Variants in CNOT8 observed in about 807,000 individuals in gnomAD.
CNOT8 encodes the protein CAF1-like protein.
CNOT8 carries 18 observed loss-of-function variants against 34.6 expected under a neutral mutation model. The observed-to-expected ratio is 0.52, with a 90% confidence interval of 0.36 to 0.77. The LOEUF (loss-of-function observed/expected upper bound fraction) is 0.77, where lower values mean the gene tolerates loss of function less well. Among genes scored for constraint, CNOT8 ranks in the 30% least tolerant of loss-of-function variants. The pLI, the probability that CNOT8 is intolerant of heterozygous loss-of-function variation, is 0.00. For missense variants in CNOT8, 189 were observed against 347.9 expected (o/e 0.54, Z 3.63); for synonymous variants, 101 against 118.8 (o/e 0.85, Z 0.98).
At chr5:154,866,470 GA>G (rs1189432470) in intron 3 of CNOT8, among the ~76,000 whole-genome samples, 2 of 152,256 alleles carry the variant, frequency 1.3e-5, no homozygotes, top group East Asian at 3.9e-4. Context: ...GTAATTTTGG[GA>G]GATCATCTGG....
intron 1 of CNOT8, among the ~76,000 whole-genome samples, chr5:154,860,828 C>T (rs1038448574): frequency 6.6e-6 from 1 of 152,140 alleles, no homozygotes; most frequent in Non-Finnish European, 1.5e-5. Context: ...CGGCAGTCCC[C>T]ATATATATGC....
At chr5:154,872,511 A>G in intron 5 of CNOT8, 30 bp from the exon 6 acceptor site, 1 of 1,474,220 alleles carries the variant, frequency 6.8e-7, no homozygotes, top group East Asian at 2.3e-5. Context: ...TGGGTTTGTA[A>G]TATTATCTTT....
At chr5:154,875,212 C>G (rs1011114125) in intron 6 of CNOT8, 78 bp from the exon 7 acceptor site, 8 of 1,500,642 alleles carry the variant, frequency 5.3e-6, no homozygotes, top group Non-Finnish European at 7.3e-6. Flanking sequence ...CCATTGCACC[C>G]GGCCAGATGT....
chr5:154,859,321 C>T (rs1253210355), intron 1 of CNOT8: 2 of 152,136 alleles, frequency 1.3e-5, no homozygotes, highest in African/African-American at 2.4e-5. Context: ...TCTTGCGGGC[C>T]TCCCCCTTCT....
chr5:154,867,945 CT>C (rs60452932), intron 3 of CNOT8, among the ~76,000 whole-genome samples: 25,187 of 151,470 alleles, frequency 0.17, 2,800 homozygotes, highest in African/African-American at 0.32. Context: ...CTTTCCTTTT[CT>C]TTTTTTTTGA....
chr5:154,865,041 A>G (rs1160067727), intron 2 of CNOT8, 151 bp from the exon 3 acceptor site: 2 of 661,254 alleles, frequency 3.0e-6, no homozygotes, highest in African/African-American at 1.8e-5. Flanking sequence ...GACCAACCCT[A>G]TCTCAAAAAA....
intron 6 of CNOT8, among the ~76,000 whole-genome samples, chr5:154,874,350 G>A (rs528256881): frequency 1.3e-5 from 2 of 152,098 alleles, no homozygotes; most frequent in Non-Finnish European, 2.9e-5. Context: ...GCCGAGGCAA[G>A]TGGATCACTT....
chr5:154,875,502 C>G lies in CNOT8; in HGVS notation c.*63C>G, dbSNP rs879164913. On this transcript the variant is annotated 3_prime_UTR_variant, in exon 7 of 7. Coordinates refer to ENST00000285896, the MANE Select transcript of CNOT8 (RefSeq NM_001301073.2). The stretch of plus-strand genomic sequence containing the variant: ...TGGTGCTTACTGTGCTGACTGTGTA[C>G]TTATCTTCCCCAAGAGAAAATGCTT... 1.9e-6 allele frequency: 3 copies of G among 1,561,664 alleles called. No homozygotes were observed. The Admixed American group carries it at 5.5e-5, about 28-fold the overall frequency.
At chr5:154,868,062 G>A (rs1366313878) in intron 3 of CNOT8, among the ~76,000 whole-genome samples, 3 of 150,404 alleles carry the variant, frequency 2.0e-5, no homozygotes, top group South Asian at 2.1e-4. Context: ...TCAGCCTCCC[G>A]AGTAGCTGGG....
At chr5:154,858,434 G>C (rs1012630705), upstream of CNOT8, 4 of 152,290 alleles carry the variant, frequency 2.6e-5, no homozygotes, top group South Asian at 2.1e-4. Flanking sequence ...CACAGGCAGA[G>C]CGAACACGCA....
intron 6 of CNOT8, among the ~76,000 whole-genome samples, chr5:154,874,996 A>G (rs1582632659): frequency 6.8e-6 from 1 of 147,868 alleles, no homozygotes; most frequent in Admixed American, 6.8e-5. Context: ...GGCCCACTGC[A>G]CCCTCTGCCT....
intron 2 of CNOT8, 44 bp downstream of exon 2, chr5:154,863,439 G>A (rs746077175): frequency 7.0e-7 from 1 of 1,432,818 alleles, no homozygotes; most frequent in Admixed American, 1.7e-5. Flanking sequence ...CACTTTTAAA[G>A]TTGGGGTCTT....
At chr5:154,869,822 A>G (rs1479988112) in intron 3 of CNOT8, among the ~76,000 whole-genome samples, 2 of 151,782 alleles carry the variant, frequency 1.3e-5, no homozygotes, top group Admixed American at 1.3e-4. Flanking sequence ...AGAGGGTTTC[A>G]CCACGTTGGC....
rs896804691 is a variant in CNOT8, at chr5:154,875,522, A to T, written c.*83A>T. ...GTGTACTTATCTTCCCCAAGAGAAA[A>T]TGCTTCTTTTGAGCACACTGTACCT... is the stretch of plus-strand genomic sequence containing the variant. On this transcript the variant is annotated 3_prime_UTR_variant, in exon 7 of 7. Transcript: ENST00000285896. 9 of 1,491,814 alleles carry T rather than the reference A, an allele frequency of 6.0e-6. No homozygotes were observed. The highest frequency in any genetic ancestry group is 8.2e-6 in the Non-Finnish European group (9 of 1,103,332). The allele number at this position is 1,491,814 out of a possible 1,614,324, so 92.4% of individuals were successfully genotyped here. A position where few individuals can be genotyped will look rare whatever the true frequency, so the allele number is the denominator to read the frequency against.
At chr5:154,870,915 G>C (rs1432691059) in intron 4 of CNOT8, 93 bp downstream of exon 4, 1 of 1,104,594 alleles carries the variant, frequency 9.1e-7, no homozygotes, top group Non-Finnish European at 1.3e-6. Flanking sequence ...CCTAGTGACT[G>C]TTCTGTTCAG....
At chr5:154,868,263 C>CTTTTTTTT (rs200482243) in intron 3 of CNOT8, among the ~76,000 whole-genome samples, 1 of 127,258 alleles carries the variant, frequency 7.9e-6, no homozygotes, top group African/African-American at 3.1e-5. Flanking sequence ...TTTTTCTTTT[C>CTTTTTTTT]TTTTCTTTTT....
intron 3 of CNOT8, among the ~76,000 whole-genome samples, chr5:154,868,047 C>T (rs1377641587): frequency 1.5e-4 from 22 of 150,832 alleles, no homozygotes; most frequent in Non-Finnish European, 3.0e-5. Context: ...AGCAGTTCTC[C>T]TGCCTCAGCC....
At chr5:154,864,195 T>C (rs1321745131) in intron 2 of CNOT8, among the ~76,000 whole-genome samples, 1 of 152,180 alleles carries the variant, frequency 6.6e-6, no homozygotes, top group Non-Finnish European at 1.5e-5. Flanking sequence ...GCGCGGTGGC[T>C]CACGCCTGTA....
chr5:154,865,787 G>C (rs574084223), intron 3 of CNOT8, among the ~76,000 whole-genome samples: 1 of 152,266 alleles, frequency 6.6e-6, no homozygotes, highest in African/African-American at 2.4e-5. Context: ...AGAATTTTGG[G>C]GGAAATTCTG....
Sources: allele counts gnomAD v4.1 joint callset (sites outside exome capture counted in the v4.1 genomes callset), GRCh38; gene constraint gnomAD v4.1.1; transcripts MANE v1.5; gene names NCBI Gene and HGNC (gene_info 2026-07-23, HGNC 2026-07-21).